DDX10: variants seen among roughly 807,000 people sequenced by gnomAD.
The protein encoded by DDX10 is DEAD-box helicase 10.
DDX10 carries 74 observed loss-of-function variants against 104.3 expected under a neutral mutation model. The observed-to-expected ratio is 0.71, with a 90% CI of 0.59 to 0.86. DDX10 has a LOEUF of 0.86. DDX10 is among the 40% of genes least tolerant of loss of function. DDX10 has a pLI of 0.00. For missense variants in DDX10, 952 were observed against 1,040.0 expected (o/e 0.92, Z 1.16); for synonymous variants, 351 against 353.4 (o/e 0.99, Z 0.08).
intron 6 of DDX10, among the ~76,000 whole-genome samples, chr11:108,684,397 G>T (rs1410289648): frequency 1.7e-5 from 2 of 118,124 alleles, no homozygotes; most frequent in African/African-American, 6.5e-5. Flanking sequence ...TCCCCTTCCT[G>T]TGTCCATGTG....
rs1384133284 is a variant in DDX10 at position 108,692,350 on chromosome 11, C to A, written c.1138+312C>A. Reference sequence around the variant, plus strand: ...TTCCCATTTCTTTGAAAATTGGAAACTTGTTTATAGATACTGAACTCATTT... The same window carrying A: ...TTCCCATTTCTTTGAAAATTGGAAAATTGTTTATAGATACTGAACTCATTT... On this transcript the variant is annotated intron_variant, in intron 8 of 17. Coordinates refer to ENST00000322536, the MANE Select transcript of DDX10 (RefSeq NM_004398.4). Among the ~76,000 whole-genome samples, 4 of 152,148 alleles carry A rather than the reference C, an allele frequency of 2.6e-5. No individual in the cohort carries two copies. The East Asian group carries it at 7.7e-4, about 29-fold the overall frequency.
chr11:108,840,058 A>G (rs1213926860), intron 14 of DDX10, among the ~76,000 whole-genome samples: 2 of 152,172 alleles, frequency 1.3e-5, no homozygotes, highest in Non-Finnish European at 2.9e-5. Context: ...ATGCCACTAT[A>G]TATATTTTTC....
At position 108,678,306 on chromosome 11, in the gene DDX10, T is replaced by A; in HGVS notation, c.538-9T>A. 2.5e-6 allele frequency: 4 copies of A among 1,606,688 alleles called. No individual in the cohort carries two copies. The highest frequency in any genetic ancestry group is 1.3e-5 in the African/African-American group (1 of 74,792). ...TGTCTGTGTAATCAAAATAAATAAC[T>A]GTTTTCAGGATCTAAAACACGAAGC... On this transcript the variant is annotated splice_polypyrimidine_tract_variant and intron_variant, in intron 4 of 17. Transcript: ENST00000322536.
intron 13 of DDX10, among the ~76,000 whole-genome samples, chr11:108,801,318 T>TA (rs1310450780): frequency 6.6e-6 from 1 of 152,230 alleles, no homozygotes; most frequent in Admixed American, 6.5e-5. Flanking sequence ...AATCAGCTAG[T>TA]AGTTTTCTAT....
At chr11:108,871,516 A>T (rs2134623627) in intron 16 of DDX10, among the ~76,000 whole-genome samples, 1 of 152,212 alleles carries the variant, frequency 6.6e-6, no homozygotes, top group East Asian at 1.9e-4. Flanking sequence ...AGAAAGAAAT[A>T]TCTTTTCCTT....
intron 13 of DDX10, among the ~76,000 whole-genome samples, chr11:108,814,734 T>C (rs1411518512): frequency 6.6e-6 from 1 of 152,352 alleles, no homozygotes; most frequent in East Asian, 1.9e-4. Flanking sequence ...GTAATTAAGT[T>C]AATGATCATT....
At chr11:108,914,605 C>A (rs550363427) in intron 16 of DDX10, among the ~76,000 whole-genome samples, 1 of 152,074 alleles carries the variant, frequency 6.6e-6, no homozygotes, top group Non-Finnish European at 1.5e-5. Flanking sequence ...TCTAGTGTTT[C>A]GGTAATATGT....
At chr11:108,808,631 T>G (rs1459645043) in intron 13 of DDX10, among the ~76,000 whole-genome samples, 2 of 152,148 alleles carry the variant, frequency 1.3e-5, no homozygotes, top group African/African-American at 4.8e-5. Flanking sequence ...TTGTTTGATA[T>G]CCCAGTGATA....
chr11:108,716,020 A>G, intron 11 of DDX10, 54 bp downstream of exon 11: 4 of 969,192 alleles, frequency 4.1e-6, no homozygotes, highest in Admixed American at 2.0e-5. Flanking sequence ...AGTAAAGTTT[A>G]TCATTTTCTG....
intron 13 of DDX10, chr11:108,822,600 C>G (rs1862340474): frequency 5.7e-6 from 1 of 174,482 alleles, no homozygotes; most frequent in African/African-American, 2.4e-5. Flanking sequence ...TTGTGTGGCA[C>G]TGGGCACACT....
chr11:108,807,681 TC>T (rs1196341851), intron 13 of DDX10, among the ~76,000 whole-genome samples: 1 of 152,220 alleles, frequency 6.6e-6, no homozygotes, highest in Non-Finnish European at 1.5e-5. Context: ...CTTCTAGGCC[TC>T]TAGGTGAAAA....
intron 13 of DDX10, among the ~76,000 whole-genome samples, chr11:108,759,441 T>C (rs780910397): frequency 4.6e-5 from 7 of 152,044 alleles, no homozygotes; most frequent in Non-Finnish European, 7.4e-5. Flanking sequence ...TAACCATCGC[T>C]CATACAGCTC....
intron 12 of DDX10, 119 bp from the exon 13 acceptor site, chr11:108,722,878 C>G: frequency 7.0e-7 from 1 of 1,419,482 alleles, no homozygotes; most frequent in Non-Finnish European, 9.2e-7. Context: ...TTGTATCTCA[C>G]AGGAACATTT....
intron 13 of DDX10, among the ~76,000 whole-genome samples, chr11:108,746,618 AG>A (rs2134501060): frequency 6.6e-6 from 1 of 152,274 alleles, no homozygotes; most frequent in East Asian, 1.9e-4. Context: ...CCTATATTTT[AG>A]AAGAACTATC....
intron 11 of DDX10, among the ~76,000 whole-genome samples, chr11:108,717,292 G>A (rs2094292716): frequency 6.6e-6 from 1 of 152,162 alleles, no homozygotes; most frequent in Admixed American, 6.5e-5. Context: ...TGTTATTCCT[G>A]GCAAAGAAGT....
chr11:108,674,094 T>C (rs1223281007), intron 2 of DDX10, among the ~76,000 whole-genome samples: 1 of 151,998 alleles, frequency 6.6e-6, no homozygotes, highest in African/African-American at 2.4e-5. Flanking sequence ...GAGGCCGAGG[T>C]GGGTGGATCA....
intron 13 of DDX10, among the ~76,000 whole-genome samples, chr11:108,823,129 A>G (rs1862348949): frequency 6.6e-6 from 1 of 152,154 alleles, no homozygotes; most frequent in Admixed American, 6.5e-5. Context: ...TTTTTTTAAA[A>G]TCACCACTAT....
At chr11:108,690,137 C>G (rs563712681) in intron 7 of DDX10, among the ~76,000 whole-genome samples, 1 of 152,056 alleles carries the variant, frequency 6.6e-6, no homozygotes, top group Non-Finnish European at 1.5e-5. Context: ...CTCAAGGCAA[C>G]TTGGAAGTGT....
intron 15 of DDX10, among the ~76,000 whole-genome samples, chr11:108,844,480 A>G (rs146423895): frequency 6.6e-6 from 1 of 152,342 alleles, no homozygotes; most frequent in African/African-American, 2.4e-5. Flanking sequence ...CAAATCATTT[A>G]TGCACCAAGC....
Sources: gnomAD v4.1 joint callset for allele counts (sites outside exome capture counted in the v4.1 genomes callset) on GRCh38, gnomAD v4.1.1 for gene constraint, MANE v1.5 for transcripts, NCBI Gene and HGNC (gene_info 2026-07-23, HGNC 2026-07-21) for gene names.